The following RANBP2 variants were observed in gnomAD, a reference collection of about 807,000 sequenced individuals.
The protein encoded by RANBP2 is E3 SUMO-protein ligase RanBP2.
In RANBP2, 57 loss-of-function variants were observed where a neutral mutation model predicts 303.6. That is an observed-to-expected ratio of 0.19 (90% CI 0.15 to 0.23). The LOEUF (loss-of-function observed/expected upper bound fraction) is 0.23, where lower values mean the gene tolerates loss of function less well. Among genes scored for constraint, RANBP2 ranks in the 10% least tolerant of loss-of-function variants. RANBP2 has a pLI of 1.00. For missense variants in RANBP2, 3,138 were observed against 3,780.8 expected, an observed-to-expected ratio of 0.83 and a Z score of 4.46; for synonymous variants, 1,167 against 1,301.5, an observed-to-expected ratio of 0.90 and a Z score of 2.23.
chr2:109,262,944 T>A, the RANBP2 span, among the ~76,000 whole-genome samples: 1 of 152,170 alleles, frequency 6.6e-6, no homozygotes, highest in African/African-American at 2.4e-5. Context: ...GCAACTCTTC[T>A]GTCTCAGCCT....
the RANBP2 span, among the ~76,000 whole-genome samples, chr2:109,026,965 C>G: frequency 6.6e-6 from 1 of 152,154 alleles, no homozygotes; most frequent in Admixed American, 6.5e-5. Context: ...AGACATTGGC[C>G]GGGTGTGGTG....
the RANBP2 span, among the ~76,000 whole-genome samples, chr2:109,604,161 CAAAAA>C: frequency 1.7e-5 from 1 of 58,670 alleles, no homozygotes. Context: ...GACTCTGCCT[CAAAAA>C]AAAAAAAAAA....
intron 7 of RANBP2, among the ~76,000 whole-genome samples, chr2:108,744,265 A>G (rs1318471888): frequency 1.3e-5 from 2 of 152,214 alleles, no homozygotes; most frequent in East Asian, 1.9e-4. Context: ...TTAGCCACGC[A>G]TGGTGGCGGG....
chr2:109,387,349 C>T, the RANBP2 span, among the ~76,000 whole-genome samples: 1 of 152,194 alleles, frequency 6.6e-6, no homozygotes, highest in Non-Finnish European at 1.5e-5. Context: ...TCCGGTTCCC[C>T]ATCTCAGGGG....
the RANBP2 span, among the ~76,000 whole-genome samples, chr2:109,157,992 C>T: frequency 6.6e-6 from 1 of 152,160 alleles, no homozygotes; most frequent in African/African-American, 2.4e-5. Flanking sequence ...AGTAACCCTC[C>T]TTGAGCCCGT....
the RANBP2 span, among the ~76,000 whole-genome samples, chr2:109,664,754 A>G: frequency 3.2e-4 from 48 of 152,270 alleles, no homozygotes; most frequent in African/African-American, 1.1e-3. Flanking sequence ...ACATGGTGAA[A>G]CCCTACCTCT....
chr2:108,919,249 C>T, the RANBP2 span, among the ~76,000 whole-genome samples: 1 of 152,230 alleles, frequency 6.6e-6, no homozygotes, highest in Non-Finnish European at 1.5e-5. Flanking sequence ...GCAGAGATTT[C>T]TCCAAAAGGC....
the RANBP2 span, among the ~76,000 whole-genome samples, chr2:109,451,566 T>A: frequency 2.0e-5 from 3 of 152,256 alleles, no homozygotes; most frequent in Non-Finnish European, 4.4e-5. Context: ...CGGAGGATGA[T>A]GCTGTTCCCC....
the RANBP2 span, among the ~76,000 whole-genome samples, chr2:109,364,725 G>A: frequency 1.3e-5 from 2 of 152,146 alleles, no homozygotes; most frequent in African/African-American, 4.8e-5. Flanking sequence ...CTCCTCTGTA[G>A]GTGAAACAGG....
At chr2:109,593,916 ATTAAG>A in the RANBP2 span, among the ~76,000 whole-genome samples, 1 of 152,202 alleles carries the variant, frequency 6.6e-6, no homozygotes, top group Non-Finnish European at 1.5e-5. Flanking sequence ...ATGCTAGCTC[ATTAAG>A]TTTATTTTCT....
the RANBP2 span, among the ~76,000 whole-genome samples, chr2:109,135,086 C>A: frequency 1.3e-5 from 2 of 152,218 alleles, no homozygotes; most frequent in Non-Finnish European, 2.9e-5. Context: ...CAAATAGAGG[C>A]CGTGGCTTCA....
At chr2:108,968,402 A>C in the RANBP2 span, among the ~76,000 whole-genome samples, 1 of 152,156 alleles carries the variant, frequency 6.6e-6, no homozygotes, top group South Asian at 2.1e-4. Flanking sequence ...TTGACTGTTG[A>C]AGTTTTGCAA....
the RANBP2 span, among the ~76,000 whole-genome samples, chr2:109,725,659 G>A: frequency 6.6e-6 from 1 of 152,266 alleles, no homozygotes; most frequent in Non-Finnish European, 1.5e-5. Context: ...TGCCAGAAAT[G>A]GTACTTTTTC....
the RANBP2 span, among the ~76,000 whole-genome samples, chr2:108,999,752 A>G: frequency 2.0e-5 from 3 of 152,204 alleles, no homozygotes; most frequent in South Asian, 4.1e-4. Context: ...TAGTTTTTTA[A>G]AAAATTACGA....
At chr2:109,357,766 T>C in the RANBP2 span, among the ~76,000 whole-genome samples, 5 of 152,362 alleles carry the variant, frequency 3.3e-5, 1 homozygote, top group South Asian at 6.2e-4. Context: ...ATAGGTGTTA[T>C]ATTTTTAGAG....
At chr2:109,074,083 A>C in the RANBP2 span, among the ~76,000 whole-genome samples, 1 of 150,846 alleles carries the variant, frequency 6.6e-6, no homozygotes, top group Non-Finnish European at 1.5e-5. Flanking sequence ...AGTTTTAAAA[A>C]AATGGCAATA....
the RANBP2 span, among the ~76,000 whole-genome samples, chr2:109,514,153 C>T: frequency 6.6e-6 from 1 of 152,216 alleles, no homozygotes; most frequent in South Asian, 2.1e-4. Context: ...TTGGTTGAAA[C>T]TTAAACTCAG....
chr2:108,841,517 T>C, the RANBP2 span, among the ~76,000 whole-genome samples: 1 of 152,218 alleles, frequency 6.6e-6, no homozygotes, highest in African/African-American at 2.4e-5. Flanking sequence ...CTCTGAACAT[T>C]TGCATTGCCT....
chr2:108,937,724 T>C, the RANBP2 span, among the ~76,000 whole-genome samples: 1 of 152,110 alleles, frequency 6.6e-6, no homozygotes, highest in East Asian at 1.9e-4. Context: ...TGTATGTGTG[T>C]GTGTATCTGT....
Sources: gnomAD v4.1 joint callset for allele counts (sites outside exome capture counted in the v4.1 genomes callset) on GRCh38, gnomAD v4.1.1 for gene constraint, MANE v1.5 for transcripts, NCBI Gene and HGNC (gene_info 2026-07-23, HGNC 2026-07-21) for gene names.